DNAH14: variants seen among roughly 807,000 people sequenced by gnomAD.
DNAH14 encodes dynein axonemal heavy chain 14.
In DNAH14, 478 loss-of-function variants were observed where a neutral mutation model predicts 520.9. The observed-to-expected ratio is 0.92, with a 90% CI of 0.85 to 0.99. DNAH14 has a LOEUF of 0.99. Ranked by LOEUF, DNAH14 falls within the 50% of genes least tolerant of loss-of-function variation. DNAH14 has a pLI of 0.00. For missense variants in DNAH14, 4,831 were observed against 5,234.5 expected (o/e 0.92, Z 2.38); for synonymous variants, 1,581 against 1,757.2 (o/e 0.90, Z 2.51).
Position 225,304,940 on chromosome 1 carries a change from C to G in DNAH14, c.8856C>G (p.Val2952=). The G allele has an allele frequency of 6.5e-7, 1 of 1,530,278 alleles. No individual in the cohort carries two copies. The highest frequency in any genetic ancestry group is 8.8e-7 in the Non-Finnish European group (1 of 1,142,372). 94.8% of individuals were successfully genotyped at this position (1,530,278 alleles called of 1,614,324 possible). A position where few individuals can be genotyped will look rare whatever the true frequency, so the allele number is the denominator to read the frequency against. The change falls in exon 58 of 86, where the codon GTC becomes GTG. Residue 2952 remains valine (V), a synonymous_variant. Transcript: ENST00000682510. ...NLKEKLAPTC[V]QIHKSMKDLN... Reference sequence around the variant, plus strand: ...AAGAAAAACTTGCCCCAACATGTGTCCAAATCCACAAAAGCATGAAAGACT... The same window carrying G: ...AAGAAAAACTTGCCCCAACATGTGTGCAAATCCACAAAAGCATGAAAGACT...
In DNAH14 at chr1:225,331,454, G is replaced by T. The variant is rs1413546377; in HGVS notation, c.9741G>T (p.Leu3247=). Residue 3247 remains leucine (L), a synonymous_variant, in exon 65 of 86, where the codon CTG becomes CTT. Transcript: ENST00000682510. ...RGLQLVEEHL[L]FLQAAYKDTV... ...TCTTTCAGGTTGAAGAACATTTGCT[G>T]TTTTTACAGGCAGCTTACAAAGATA... 6.4e-7 allele frequency: 1 copy of T among 1,550,698 alleles called. No individual in the cohort carries two copies.
chr1:225,374,054 A>G (rs1023559404), intron 77 of DNAH14, among the ~76,000 whole-genome samples: 2 of 144,712 alleles, frequency 1.4e-5, no homozygotes, highest in African/African-American at 5.1e-5. Flanking sequence ...GGATGTAGTT[A>G]GCCAAGATCA....
intron 75 of DNAH14, 151 bp from the exon 76 acceptor site, chr1:225,364,641 C>T (rs750742497): frequency 1.0e-4 from 53 of 506,054 alleles, no homozygotes; most frequent in Middle Eastern, 1.1e-3. Flanking sequence ...CAAATTCTTG[C>T]GCAACATGGA....
At chr1:225,086,964 G>A (rs1238878972) in intron 21 of DNAH14, among the ~76,000 whole-genome samples, 2 of 148,564 alleles carry the variant, frequency 1.3e-5, no homozygotes, top group African/African-American at 5.0e-5. Flanking sequence ...GATAAATTAA[G>A]CACATTCAAG....
intron 42 of DNAH14, among the ~76,000 whole-genome samples, chr1:225,234,382 G>A (rs1003351531): frequency 1.3e-5 from 2 of 152,082 alleles, no homozygotes; most frequent in African/African-American, 2.4e-5. Flanking sequence ...TAGAGATGTG[G>A]TTTCACCATG....
In DNAH14 at chr1:224,960,198, A is replaced by AGCCAG. The variant is rs1258768420; in HGVS notation, c.264_268dup (p.Ala90GlyfsTer42). On this transcript the variant is annotated frameshift_variant, in exon 4 of 86. Coordinates refer to ENST00000682510, the MANE Select transcript of DNAH14 (RefSeq NM_001367479.1). LOFTEE classifies it high-confidence loss of function. The stretch of plus-strand genomic sequence containing the variant: ...ATTCAACAACATATGGTTTCTCCAG[A>AGCCAG]GCCAGCTTCCCTTAAGGAGAAAGGG... The AGCCAG allele has an allele frequency of 1.2e-6, 2 of 1,608,452 alleles. No homozygotes were observed. Among genetic ancestry groups the AGCCAG allele is most frequent in the Non-Finnish European group, 1.7e-6 (2 of 1,178,060 alleles).
Position 225,335,417 on chromosome 1 carries a change from A to G in DNAH14, c.10081-1849A>G, listed in dbSNP as rs867595339. Among the ~76,000 whole-genome samples, 15 of 132,994 alleles carry G rather than the reference A, an allele frequency of 1.1e-4. 3 individuals are homozygous for G. The highest frequency in any genetic ancestry group is 4.5e-4 in the African/African-American group (14 of 30,832). The allele number at this position is 132,994 out of a possible 152,430, so 87.2% of individuals were successfully genotyped here. ...CACATGTGTACATGTGTGTGTATGC[A>G]CATATGCACGTGTGTACATGTGTGT... On this transcript the variant is annotated intron_variant, in intron 66 of 85. Transcript: ENST00000682510.
At chr1:225,303,453 A>G in intron 57 of DNAH14, 106 bp downstream of exon 57, 2 of 945,014 alleles carry the variant, frequency 2.1e-6, no homozygotes, top group Non-Finnish European at 3.1e-6. Flanking sequence ...GGCAGTTCTA[A>G]GCTAATTTAC....
intron 41 of DNAH14, among the ~76,000 whole-genome samples, chr1:225,227,048 C>T (rs1450459332): frequency 6.6e-6 from 1 of 152,092 alleles, no homozygotes; most frequent in Non-Finnish European, 1.5e-5. Flanking sequence ...ATAGAATGTA[C>T]AATTGGGTTT....
intron 72 of DNAH14, among the ~76,000 whole-genome samples, 184 bp from the exon 73 acceptor site, chr1:225,353,619 G>A (rs1383575383): frequency 6.6e-6 from 1 of 151,730 alleles, no homozygotes; most frequent in Non-Finnish European, 1.5e-5. Flanking sequence ...TCCCTCTTTT[G>A]AGGTGTGAAG....
chr1:225,296,088 A>G (rs1300058586), intron 55 of DNAH14, among the ~76,000 whole-genome samples: 3 of 152,004 alleles, frequency 2.0e-5, no homozygotes, highest in Non-Finnish European at 4.4e-5. Context: ...GTTTGCATGG[A>G]ATATCTTTTT....
At chr1:225,395,129 T>C (rs2095988628) in intron 84 of DNAH14, among the ~76,000 whole-genome samples, 1 of 152,326 alleles carries the variant, frequency 6.6e-6, no homozygotes, top group East Asian at 1.9e-4. Context: ...AGGAATTTTT[T>C]AATGAAGAAT....
chr1:225,313,856 A>C (rs141713473), intron 60 of DNAH14, among the ~76,000 whole-genome samples: 2,734 of 152,214 alleles, frequency 0.018, 80 homozygotes, highest in African/African-American at 0.061. Context: ...TTTTACTTCC[A>C]ATTATGTGAT....
intron 11 of DNAH14, among the ~76,000 whole-genome samples, chr1:225,029,349 G>C (rs1367053111): frequency 6.6e-6 from 1 of 151,972 alleles, no homozygotes; most frequent in Non-Finnish European, 1.5e-5. Context: ...CATTGTGATT[G>C]TAGTGGTTGT....
chr1:225,186,157 G>T (rs2084701887), intron 37 of DNAH14, among the ~76,000 whole-genome samples: 1 of 151,344 alleles, frequency 6.6e-6, no homozygotes, highest in Non-Finnish European at 1.5e-5. Flanking sequence ...CAATTACTTA[G>T]TTAATGATTT....
At chr1:225,062,614 G>A (rs773161679) in intron 17 of DNAH14, among the ~76,000 whole-genome samples, 12 of 152,178 alleles carry the variant, frequency 7.9e-5, no homozygotes, top group Non-Finnish European at 1.5e-4. Context: ...TGTTCATAGA[G>A]TGAAAGTTCA....
rs1243327495 is a variant in DNAH14 at position 225,005,666 on chromosome 1, G to A, written c.976-1747G>A. ...AGTACTTTTCAATCTTTTTTGTTGT[G>A]GGAAGATACATTTATTAATTTTTAT... On this transcript the variant is annotated intron_variant, in intron 9 of 85. Coordinates refer to ENST00000682510, the MANE Select transcript of DNAH14 (RefSeq NM_001367479.1). Among the ~76,000 whole-genome samples, 3 of 151,808 alleles carry A rather than the reference G, an allele frequency of 2.0e-5. No homozygotes were observed. In the East Asian group the frequency reaches 5.8e-4, roughly 29 times the overall value.
At chr1:224,943,292 ATAG>A (rs2059554281) in intron 1 of DNAH14, among the ~76,000 whole-genome samples, 1 of 152,022 alleles carries the variant, frequency 6.6e-6, no homozygotes, top group Admixed American at 6.6e-5. Flanking sequence ...AGAGGTGTTT[ATAG>A]TATTCTCTGA....
intron 38 of DNAH14, among the ~76,000 whole-genome samples, chr1:225,194,121 C>T (rs552739721): frequency 4.5e-4 from 69 of 152,134 alleles, no homozygotes; most frequent in African/African-American, 1.5e-3. Context: ...GGCCATACTG[C>T]GCAAAGCAAT....
Sources: allele counts gnomAD v4.1 joint callset (sites outside exome capture counted in the v4.1 genomes callset), GRCh38; gene constraint gnomAD v4.1.1; transcripts MANE v1.5; gene names NCBI Gene and HGNC (gene_info 2026-07-23, HGNC 2026-07-21).